The following BBX variants were observed in gnomAD, a reference collection of about 807,000 sequenced individuals.
The protein encoded by BBX is HMG box transcription factor BBX.
BBX carries 30 observed loss-of-function variants against 100.2 expected under a neutral mutation model. The ratio of observed to expected loss-of-function variants is 0.30; its 90% CI spans 0.22 to 0.41. The LOEUF is 0.41. Among genes scored for constraint, BBX ranks in the 10% least tolerant of loss-of-function variants. BBX has a pLI of 1.00. For missense variants in BBX, 1,023 were observed against 1,129.8 expected, an observed-to-expected ratio of 0.91 and a Z score of 1.35; for synonymous variants, 376 against 388.1, an observed-to-expected ratio of 0.97 and a Z score of 0.37.
At chr3:107,644,457 C>G (rs630850) in intron 2 of BBX, among the ~76,000 whole-genome samples, 52,742 of 151,938 alleles carry the variant, frequency 0.35, 10,219 homozygotes, top group East Asian at 0.88. Flanking sequence ...ATATTTAATG[C>G]TTCTTCTGTA....
intron 3 of BBX, chr3:107,662,480 G>T (rs373905046): frequency 6.6e-6 from 1 of 152,072 alleles, no homozygotes; most frequent in Non-Finnish European, 1.5e-5. Context: ...ATTGGTATCC[G>T]CTGCCAGTTT....
chr3:107,655,856 A>G (rs891700733), intron 3 of BBX, among the ~76,000 whole-genome samples: 18 of 151,844 alleles, frequency 1.2e-4, no homozygotes, highest in Admixed American at 1.0e-3. Flanking sequence ...GCCCACCACC[A>G]TGCCCGGCTA....
intron 3 of BBX, among the ~76,000 whole-genome samples, chr3:107,663,643 GCAA>G (rs747586332): frequency 4.2e-4 from 64 of 151,818 alleles, no homozygotes; most frequent in Middle Eastern, 3.4e-3. Flanking sequence ...GTTTTCTTCT[GCAA>G]CAACTATTTT....
intron 2 of BBX, among the ~76,000 whole-genome samples, chr3:107,584,889 C>T (rs1377971697): frequency 1.3e-5 from 2 of 151,732 alleles, no homozygotes; most frequent in Non-Finnish European, 2.9e-5. Context: ...ACTATGTTGG[C>T]TGGGCTGGTC....
intron 3 of BBX, chr3:107,661,994 G>C: frequency 1.3e-6 from 1 of 787,014 alleles, no homozygotes; most frequent in Non-Finnish European, 1.5e-6. Flanking sequence ...CAGCATAGTT[G>C]GTGGTCCTTT....
intron 2 of BBX, among the ~76,000 whole-genome samples, chr3:107,615,845 G>T (rs1306720951): frequency 6.6e-6 from 1 of 151,938 alleles, no homozygotes; most frequent in Non-Finnish European, 1.5e-5. Context: ...GCAATCATTG[G>T]CATATATTAA....
chr3:107,632,300 G>T (rs1459954400), intron 2 of BBX, among the ~76,000 whole-genome samples: 1 of 152,012 alleles, frequency 6.6e-6, no homozygotes, highest in East Asian at 1.9e-4. Context: ...GGCCAGGCTG[G>T]TCTCAAACTC....
Position 107,575,062 on chromosome 3 carries a change from T to G in BBX, c.-84+48664T>G, listed in dbSNP as rs1163030473. 2.6e-5 allele frequency among the ~76,000 whole-genome samples: 4 copies of G among 152,344 alleles called. No individual in the cohort carries two copies. In the East Asian group the frequency reaches 7.7e-4, roughly 29 times the overall value. On this transcript the variant is annotated intron_variant, in intron 2 of 17. Coordinates refer to ENST00000325805, the MANE Select transcript of BBX (RefSeq NM_001142568.3). ...AATTATGCAACAGCTGTTTCCACCC[T>G]TAGAAATTCTTGTGGCAAAACCAAA...
At chr3:107,671,330 A>C (rs1009426574) in intron 3 of BBX, among the ~76,000 whole-genome samples, 1 of 152,042 alleles carries the variant, frequency 6.6e-6, no homozygotes, top group East Asian at 1.9e-4. Context: ...TGAAATCCAC[A>C]TGTAGTGTAT....
At chr3:107,695,542 T>C (rs2060525420) in intron 3 of BBX, among the ~76,000 whole-genome samples, 1 of 148,740 alleles carries the variant, frequency 6.7e-6, no homozygotes, top group African/African-American at 2.5e-5. Flanking sequence ...CTAGTTTGAT[T>C]GCACTGTGGT....
intron 3 of BBX, among the ~76,000 whole-genome samples, chr3:107,646,646 A>G (rs1168335508): frequency 6.6e-6 from 1 of 152,118 alleles, no homozygotes; most frequent in Non-Finnish European, 1.5e-5. Flanking sequence ...TGGTATCTGA[A>G]TACTTTATGG....
chr3:107,543,044 T>TA lies in BBX; in HGVS notation c.-84+16653dup, dbSNP rs560112523. Among the ~76,000 whole-genome samples the TA allele has an allele frequency of 2.3e-3, 343 of 152,168 alleles. 1 individual carries two copies. The highest frequency in any genetic ancestry group is 7.6e-3 in the African/African-American group (316 of 41,528). Reference sequence around the variant, plus strand: ...TAAACATATGGTAAACTTCTAAAGTTAAAAAAAGTTAGTGTTATATTGAGA... The same window carrying TA: ...TAAACATATGGTAAACTTCTAAAGTTAAAAAAAAGTTAGTGTTATATTGAGA... On this transcript the variant is annotated intron_variant, in intron 2 of 17. Transcript: ENST00000325805.
intron 9 of BBX, among the ~76,000 whole-genome samples, chr3:107,754,520 G>A (rs2065322900): frequency 6.6e-6 from 1 of 152,136 alleles, no homozygotes; most frequent in Non-Finnish European, 1.5e-5. Flanking sequence ...GCCTAGGTAG[G>A]CCATTATTAA....
At chr3:107,707,724 T>C (rs1031168401) in intron 3 of BBX, among the ~76,000 whole-genome samples, 5 of 152,220 alleles carry the variant, frequency 3.3e-5, no homozygotes, top group African/African-American at 1.2e-4. Flanking sequence ...TGAATGCGAT[T>C]ATTTTGAACC....
intron 3 of BBX, among the ~76,000 whole-genome samples, chr3:107,675,160 C>A (rs988293551): frequency 9.9e-5 from 15 of 152,090 alleles, no homozygotes; most frequent in African/African-American, 3.6e-4. Flanking sequence ...AAGTTTCAGA[C>A]CCTGGAGACT....
At chr3:107,794,505 A>C (rs1403800747) in intron 15 of BBX, among the ~76,000 whole-genome samples, 3 of 152,110 alleles carry the variant, frequency 2.0e-5, no homozygotes, top group African/African-American at 7.2e-5. Context: ...GCAGTGTATA[A>C]ATCTAATTAC....
chr3:107,680,717 T>C (rs1263034671), intron 3 of BBX, among the ~76,000 whole-genome samples: 2 of 152,146 alleles, frequency 1.3e-5, no homozygotes, highest in Non-Finnish European at 2.9e-5. Flanking sequence ...CCCATGTAGA[T>C]AAGGAAGACA....
chr3:107,674,379 G>A (rs1004449621), intron 3 of BBX, among the ~76,000 whole-genome samples: 2 of 152,020 alleles, frequency 1.3e-5, no homozygotes, highest in East Asian at 1.9e-4. Flanking sequence ...TATTCCAGGC[G>A]TTTAGTAGTA....
chr3:107,644,867 C>G (rs1480926196), intron 2 of BBX, among the ~76,000 whole-genome samples: 1 of 152,012 alleles, frequency 6.6e-6, no homozygotes, highest in Non-Finnish European at 1.5e-5. Flanking sequence ...TAGGATTACT[C>G]AGATGAATCA....
Sources: allele counts gnomAD v4.1 joint callset (sites outside exome capture counted in the v4.1 genomes callset), GRCh38; gene constraint gnomAD v4.1.1; transcripts MANE v1.5; gene names NCBI Gene and HGNC (gene_info 2026-07-23, HGNC 2026-07-21).